The following PRPF38A variants were observed in gnomAD, a reference collection of about 807,000 sequenced individuals.
The protein encoded by PRPF38A is pre-mRNA-splicing factor 38A.
Under a neutral mutation model 46.8 loss-of-function variants are expected in PRPF38A, and 11 were observed. The observed-to-expected ratio is 0.24, with a 90% CI of 0.15 to 0.39. PRPF38A has a LOEUF of 0.39. Among genes scored for constraint, PRPF38A ranks in the 10% least tolerant of loss-of-function variants. The pLI is 1.00. For synonymous variants in PRPF38A, 124 were observed against 136.2 expected, an observed-to-expected ratio of 0.91 and a Z score of 0.62; for missense variants, 261 against 407.5, an observed-to-expected ratio of 0.64 and a Z score of 3.10.
Position 52,418,223 on chromosome 1 carries a change from A to C in PRPF38A, c.*1533A>C, listed in dbSNP as rs1648347690. The C allele has an allele frequency of 1.3e-5, 2 of 152,592 alleles. No homozygotes were observed. Among genetic ancestry groups the C allele is most frequent in the African/African-American group, 4.8e-5 (2 of 41,462 alleles). The allele number at this position is 152,592 out of a possible 1,614,324, so 9.5% of individuals were successfully genotyped here. Reference sequence around the variant, plus strand: ...TCAATGGTTCCTTTCGTAATACCTGAGTTAATAAAAGTGGTCTGAAAGAGC... The same window carrying C: ...TCAATGGTTCCTTTCGTAATACCTGCGTTAATAAAAGTGGTCTGAAAGAGC... On this transcript the variant is annotated 3_prime_UTR_variant, in exon 10 of 10. Transcript: ENST00000257181.
chr1:52,417,368 T>C lies in PRPF38A; in HGVS notation c.*678T>C, dbSNP rs1183769700. The C allele has an allele frequency of 6.6e-6, 1 of 152,298 alleles. No homozygotes were observed. The highest frequency in any genetic ancestry group is 1.5e-5 in the Non-Finnish European group (1 of 68,092). 9.4% of individuals were successfully genotyped at this position (152,298 alleles called of 1,614,324 possible). ...AGGTTAAGGTATCCAGCCTTTATCA[T>C]ATAAGCATTGACATTATCCAGGCCT... On this transcript the variant is annotated 3_prime_UTR_variant, in exon 10 of 10. Transcript: ENST00000257181.
Position 52,418,989 on chromosome 1 carries a change from G to A in PRPF38A, c.*2299G>A, listed in dbSNP as rs1287657718. ...TAATTTGAAATACACTGACTTAAAAGCTTTGCCATAGGGCACAATCGCCTT... is the reference window on the plus strand; with the variant it reads ...TAATTTGAAATACACTGACTTAAAAACTTTGCCATAGGGCACAATCGCCTT... On this transcript the variant is annotated 3_prime_UTR_variant, in exon 10 of 10. Transcript: ENST00000257181. The A allele has an allele frequency of 6.6e-6, 1 of 152,212 alleles. No homozygotes were observed. The highest frequency in any genetic ancestry group is 1.5e-5 in the Non-Finnish European group (1 of 68,030). 9.4% of individuals were successfully genotyped at this position (152,212 alleles called of 1,614,324 possible).
intron 3 of PRPF38A, among the ~76,000 whole-genome samples, chr1:52,410,149 A>C (rs1383298072): frequency 6.8e-6 from 1 of 148,032 alleles, no homozygotes; most frequent in East Asian, 2.0e-4. Context: ...ATTTATATAT[A>C]ACATAATTTA....
At chr1:52,415,759 C>A (rs867036170) in intron 9 of PRPF38A, among the ~76,000 whole-genome samples, 1 of 150,892 alleles carries the variant, frequency 6.6e-6, no homozygotes, top group Non-Finnish European at 1.5e-5. Context: ...AGTTGAGTGA[C>A]CTTGGACAAG....
At chr1:52,412,936 A>C (rs1209125451) in intron 5 of PRPF38A, among the ~76,000 whole-genome samples, 2 of 152,180 alleles carry the variant, frequency 1.3e-5, no homozygotes, top group Admixed American at 1.3e-4. Flanking sequence ...CGGGAGGCAG[A>C]GGTTGCAGTG....
rs756971303 is a variant in PRPF38A, at chr1:52,413,968, G to A, written c.699G>A (p.Arg233=). The A allele has an allele frequency of 1.2e-6, 2 of 1,613,562 alleles. No individual in the cohort carries two copies. Among genetic ancestry groups the A allele is most frequent in the Non-Finnish European group, 1.7e-6 (2 of 1,179,514 alleles). The change falls in exon 6 of 10, where the codon AGG becomes AGA. Residue 233 remains arginine, a synonymous_variant. Coordinates refer to ENST00000257181, the MANE Select transcript of PRPF38A (RefSeq NM_032864.4). ...GCTCTCCCACACTGCGCTACAGGAG[G>A]AGTAGGAGCCGGTCTCCCAGAAGGT... ...PRRSPTLRYR[R]SRSRSPRRRS...
chr1:52,416,373 A>G (rs1169387334), intron 9 of PRPF38A, among the ~76,000 whole-genome samples: 1 of 151,304 alleles, frequency 6.6e-6, no homozygotes, highest in South Asian at 2.1e-4. Context: ...CAATGGCCCA[A>G]TCTCGGCTCA....
chr1:52,414,888 T>G, intron 8 of PRPF38A, 29 bp downstream of exon 8: 1 of 1,606,882 alleles, frequency 6.2e-7, no homozygotes, highest in Non-Finnish European at 8.5e-7. Context: ...TTGCCACAGG[T>G]TGTCTTAACA....
chr1:52,416,546 T>C, intron 9 of PRPF38A, 102 bp from the exon 10 acceptor site: 2 of 792,712 alleles, frequency 2.5e-6, no homozygotes, highest in Non-Finnish European at 4.2e-6. Flanking sequence ...TGACCTCAGG[T>C]GATCTGCCTA....
In PRPF38A at chr1:52,411,125, G is replaced by A; in HGVS notation, c.423G>A (p.Leu141=). 1 of 1,613,068 alleles carries A rather than the reference G, an allele frequency of 6.2e-7. No homozygotes were observed. Among genetic ancestry groups the A allele is most frequent in the Non-Finnish European group, 8.5e-7 (1 of 1,179,228 alleles). ...KSQNRNGEFE[L]MHVDEFIDEL... ...GACTTTTTCTTGCAGAGTTTGAATTGATGCATGTTGATGAGTTTATTGATG... is the reference window on the plus strand; with the variant it reads ...GACTTTTTCTTGCAGAGTTTGAATTAATGCATGTTGATGAGTTTATTGATG... The change falls in exon 4 of 10, where the codon TTG becomes TTA. Residue 141 remains leucine, a synonymous_variant. Transcript: ENST00000257181.
In PRPF38A at chr1:52,419,017, A is replaced by G. The variant is rs1056787109; in HGVS notation, c.*2327A>G. Reference sequence around the variant, plus strand: ...TTGCCATAGGGCACAATCGCCTTTTAATACTAAGAAAGTAAGGGAGATGTG... The same window carrying G: ...TTGCCATAGGGCACAATCGCCTTTTGATACTAAGAAAGTAAGGGAGATGTG... On this transcript the variant is annotated 3_prime_UTR_variant, in exon 10 of 10. Coordinates refer to ENST00000257181, the MANE Select transcript of PRPF38A (RefSeq NM_032864.4). 9 of 152,260 alleles carry G rather than the reference A, an allele frequency of 5.9e-5. No individual in the cohort carries two copies. Among genetic ancestry groups the G allele is most frequent in the Non-Finnish European group, 1.2e-4 (8 of 68,038 alleles). The allele number at this position is 152,260 out of a possible 1,614,324, so 9.4% of individuals were successfully genotyped here. A position where few individuals can be genotyped will look rare whatever the true frequency, so the allele number is the denominator to read the frequency against.
At chr1:52,405,029 C>A in intron 1 of PRPF38A, 150 bp downstream of exon 1, 2 of 818,440 alleles carry the variant, frequency 2.4e-6, no homozygotes, top group Non-Finnish European at 3.9e-6. Flanking sequence ...CTGCTAAGTG[C>A]CTCGTCTTGT....
chr1:52,410,790 C>T (rs1166617531), intron 3 of PRPF38A, among the ~76,000 whole-genome samples: 2 of 152,228 alleles, frequency 1.3e-5, no homozygotes, highest in African/African-American at 4.8e-5. Flanking sequence ...GCGTGAGCCA[C>T]CACTCCTAGC....
Position 52,414,747 on chromosome 1 carries a change from C to T in PRPF38A, c.750-15C>T. On this transcript the variant is annotated splice_polypyrimidine_tract_variant and intron_variant, in intron 7 of 9. Coordinates refer to ENST00000257181, the MANE Select transcript of PRPF38A (RefSeq NM_032864.4). The stretch of plus-strand genomic sequence containing the variant: ...TGCTAACCAGATCTGGTAGTCTGAC[C>T]AGTCTTTTCTACAGCCCCTCCCCTC... 6.2e-7 allele frequency: 1 copy of T among 1,613,986 alleles called. No homozygotes were observed. Among genetic ancestry groups the T allele is most frequent in the South Asian group, 1.1e-5 (1 of 91,074 alleles).
chr1:52,415,533 G>T (rs923858174), intron 9 of PRPF38A, 147 bp downstream of exon 9: 7 of 636,452 alleles, frequency 1.1e-5, no homozygotes, highest in Admixed American at 5.9e-5. Flanking sequence ...GAATTACTGG[G>T]GTTAGATAAC....
chr1:52,413,962 C>T lies in PRPF38A; in HGVS notation c.693C>T (p.Tyr231=), dbSNP rs751024546. 3 of 1,613,718 alleles carry T rather than the reference C, an allele frequency of 1.9e-6. No individual in the cohort carries two copies. The highest frequency in any genetic ancestry group is 2.5e-6 in the Non-Finnish European group (3 of 1,179,688). The change falls in exon 6 of 10, where the codon TAC becomes TAT. Residue 231 remains tyrosine (Y), a synonymous_variant. Coordinates refer to ENST00000257181, the MANE Select transcript of PRPF38A (RefSeq NM_032864.4). ...CCCGTCGCTCTCCCACACTGCGCTA[C>T]AGGAGGAGTAGGAGCCGGTCTCCCA... is the stretch of plus-strand genomic sequence containing the variant. ...DKPRRSPTLR[Y]RRSRSRSPRR...
chr1:52,414,312 C>T (rs527607815), intron 6 of PRPF38A, among the ~76,000 whole-genome samples: 1 of 152,260 alleles, frequency 6.6e-6, no homozygotes, highest in South Asian at 2.1e-4. Flanking sequence ...TTCTCTGTGT[C>T]ATCCTCTAGC....
intron 9 of PRPF38A, among the ~76,000 whole-genome samples, chr1:52,416,088 C>G (rs1364229446): frequency 6.6e-6 from 1 of 151,978 alleles, no homozygotes; most frequent in Non-Finnish European, 1.5e-5. Flanking sequence ...ATCCGCCCAC[C>G]TCGGTCTCCC....
chr1:52,404,627 A>G lies in PRPF38A; in HGVS notation c.-123A>G, dbSNP rs567915858. 144 of 1,086,070 alleles carry G rather than the reference A, an allele frequency of 1.3e-4. 1 individual carries two copies. The highest frequency in any genetic ancestry group is 9.2e-4 in the South Asian group (58 of 62,988). The allele number at this position is 1,086,070 out of a possible 1,614,324, so 67.3% of individuals were successfully genotyped here. A position where few individuals can be genotyped will look rare whatever the true frequency, so the allele number is the denominator to read the frequency against. ...ACACTACGGTGTTTCCGGCTTCAAG[A>G]TGGTCGCCTAAGCTGTTTAGTGAAA... On this transcript the variant is annotated 5_prime_UTR_variant, in exon 1 of 10. An upstream start codon of the reference 5' UTR is lost. Coordinates refer to ENST00000257181, the MANE Select transcript of PRPF38A (RefSeq NM_032864.4).
Sources: gnomAD v4.1 joint callset for allele counts (sites outside exome capture counted in the v4.1 genomes callset) on GRCh38, gnomAD v4.1.1 for gene constraint, MANE v1.5 for transcripts, NCBI Gene and HGNC (gene_info 2026-07-23, HGNC 2026-07-21) for gene names.